The following GPC5 variants were observed in gnomAD, a reference collection of about 807,000 sequenced individuals.
The protein encoded by GPC5 is glypican-5.
A neutral mutation model predicts 53.9 loss-of-function variants in GPC5; 47 were observed. The ratio of observed to expected loss-of-function variants is 0.87; its 90% confidence interval spans 0.69 to 1.11. GPC5 has a LOEUF of 1.11. Among genes scored for constraint, GPC5 ranks in the 50% most tolerant of loss-of-function variants. GPC5 has a pLI of 0.00. For synonymous variants in GPC5, 286 were observed against 263.3 expected (o/e 1.09, Z -0.84); for missense variants, 748 against 713.1 (o/e 1.05, Z -0.56).
At chr13:91,753,784 G>C (rs2037230245) in intron 4 of GPC5, among the ~76,000 whole-genome samples, 1 of 152,096 alleles carries the variant, frequency 6.6e-6, no homozygotes, top group Non-Finnish European at 1.5e-5. Context: ...TACTCATCCA[G>C]GCTTTTTGTT....
chr13:92,221,230 C>T (rs897436874), intron 7 of GPC5, among the ~76,000 whole-genome samples: 12 of 152,148 alleles, frequency 7.9e-5, no homozygotes, highest in Admixed American at 2.0e-4. Flanking sequence ...GGGTAGAATG[C>T]TATCTAATTT....
chr13:91,477,646 A>G (rs1481898302), intron 2 of GPC5, among the ~76,000 whole-genome samples: 1 of 152,176 alleles, frequency 6.6e-6, no homozygotes, highest in Non-Finnish European at 1.5e-5. Flanking sequence ...TGTTGGGAAA[A>G]GGGCTGCAGA....
chr13:91,400,395 T>G (rs1290604746), intron 1 of GPC5, among the ~76,000 whole-genome samples: 2 of 152,260 alleles, frequency 1.3e-5, no homozygotes, highest in East Asian at 3.8e-4. Flanking sequence ...TAAACCCAGC[T>G]ATTTCTTTGT....
intron 7 of GPC5, among the ~76,000 whole-genome samples, chr13:92,153,476 G>T (rs768692840): frequency 6.6e-6 from 1 of 152,096 alleles, no homozygotes; most frequent in Non-Finnish European, 1.5e-5. Flanking sequence ...TCTAATTTAT[G>T]AATACATAAC....
At chr13:92,186,064 G>A (rs1246964208) in intron 7 of GPC5, among the ~76,000 whole-genome samples, 1 of 152,004 alleles carries the variant, frequency 6.6e-6, no homozygotes, top group Admixed American at 6.6e-5. Flanking sequence ...AAAGTTTGCT[G>A]CAAAAATAGG....
chr13:91,421,337 C>G (rs1213358409), intron 1 of GPC5, among the ~76,000 whole-genome samples: 1 of 152,078 alleles, frequency 6.6e-6, no homozygotes, highest in Non-Finnish European at 1.5e-5. Context: ...GCTGACATGC[C>G]TCTTCAGAAA....
chr13:92,718,944 T>C (rs1180278076), intron 7 of GPC5, among the ~76,000 whole-genome samples: 1 of 151,468 alleles, frequency 6.6e-6, no homozygotes, highest in East Asian at 1.9e-4. Context: ...AGAATGTTTG[T>C]AACACAAAGG....
intron 7 of GPC5, among the ~76,000 whole-genome samples, chr13:92,788,511 A>G (rs1481438274): frequency 6.6e-6 from 1 of 152,204 alleles, no homozygotes; most frequent in African/African-American, 2.4e-5. Context: ...AAAAGACATT[A>G]TTAAGTACTT....
chr13:92,193,640 A>C (rs1175361654), intron 7 of GPC5, among the ~76,000 whole-genome samples: 1 of 152,254 alleles, frequency 6.6e-6, no homozygotes, highest in Non-Finnish European at 1.5e-5. Context: ...TAAACAAATT[A>C]ATCCGACAGT....
chr13:92,191,564 A>G (rs117267030), intron 7 of GPC5, among the ~76,000 whole-genome samples: 1,525 of 152,310 alleles, frequency 0.01, 19 homozygotes, highest in South Asian at 0.044. Flanking sequence ...AAAGCAGTAC[A>G]TGGATCTTTA....
At chr13:91,954,319 A>G (rs558691673) in intron 6 of GPC5, among the ~76,000 whole-genome samples, 1 of 152,296 alleles carries the variant, frequency 6.6e-6, no homozygotes, top group Non-Finnish European at 1.5e-5. Context: ...TCTATGAATA[A>G]TTACTTCAGA....
intron 1 of GPC5, among the ~76,000 whole-genome samples, chr13:91,414,883 C>T (rs1878077121): frequency 6.6e-6 from 1 of 152,154 alleles, no homozygotes; most frequent in Non-Finnish European, 1.5e-5. Context: ...AAAAGCTGTG[C>T]AAGTCATATA....
At chr13:91,948,377 T>TATTCATTC (rs199857879) in intron 6 of GPC5, among the ~76,000 whole-genome samples, 3 of 152,040 alleles carry the variant, frequency 2.0e-5, no homozygotes, top group African/African-American at 7.2e-5. Context: ...CGAGCATAGA[T>TATTCATTC]ATTCATTCAT....
intron 6 of GPC5, among the ~76,000 whole-genome samples, chr13:92,121,448 T>C (rs2041648429): frequency 2.0e-5 from 3 of 152,222 alleles, no homozygotes; most frequent in Non-Finnish European, 2.9e-5. Flanking sequence ...GAGCCTCTTC[T>C]GGACAAATCC....
At chr13:92,161,330 C>T (rs2139006330) in intron 7 of GPC5, among the ~76,000 whole-genome samples, 1 of 152,258 alleles carries the variant, frequency 6.6e-6, no homozygotes, top group African/African-American at 2.4e-5. Context: ...AGAACAACTG[C>T]CTCACAGTCC....
In GPC5 at chr13:92,522,726, C is replaced by A. The variant is rs962192891; in HGVS notation, c.1562-343556C>A. Among the ~76,000 whole-genome samples, 56 of 151,928 alleles carry A rather than the reference C, an allele frequency of 3.7e-4. 1 individual carries two copies. The highest frequency in any genetic ancestry group is 1.3e-4 in the Non-Finnish European group (9 of 67,996). The stretch of plus-strand genomic sequence containing the variant: ...GGCACATGTATGCATATGTAACAAA[C>A]CTGCACATTGTGCACATGTACCCTA... On this transcript the variant is annotated intron_variant, in intron 7 of 7. Transcript: ENST00000377067.
At chr13:92,440,671 T>C (rs1249492212) in intron 7 of GPC5, among the ~76,000 whole-genome samples, 1 of 152,198 alleles carries the variant, frequency 6.6e-6, no homozygotes, top group Admixed American at 6.5e-5. Flanking sequence ...TTGAGAAATC[T>C]CCAAACTGCT....
rs187804812 is a variant in GPC5 at position 91,931,790 on chromosome 13, C to T, written c.1401+23733C>T. On this transcript the variant is annotated intron_variant, in intron 6 of 7. Coordinates refer to ENST00000377067, the MANE Select transcript of GPC5 (RefSeq NM_004466.6). ...CCCCAAATTCACGAATGAGTTGATTCGTGGCACTTCACCTCAGAGTCTCTT... is the reference window on the plus strand; with the variant it reads ...CCCCAAATTCACGAATGAGTTGATTTGTGGCACTTCACCTCAGAGTCTCTT... Among the ~76,000 whole-genome samples, 579 of 152,108 alleles carry T rather than the reference C, an allele frequency of 3.8e-3. 2 individuals are homozygous for T. Among genetic ancestry groups the T allele is most frequent in the South Asian group, 0.013 (65 of 4,828 alleles).
chr13:91,491,124 C>T (rs1260679008), intron 2 of GPC5, among the ~76,000 whole-genome samples: 1 of 152,154 alleles, frequency 6.6e-6, no homozygotes, highest in East Asian at 1.9e-4. Context: ...TTATAGCTTA[C>T]CATGATCTCT....
Sources: allele counts gnomAD v4.1 joint callset (sites outside exome capture counted in the v4.1 genomes callset), GRCh38; gene constraint gnomAD v4.1.1; transcripts MANE v1.5; gene names NCBI Gene and HGNC (gene_info 2026-07-23, HGNC 2026-07-21).